Variants in FAM120B observed in about 807,000 individuals in gnomAD.
FAM120B encodes family with sequence similarity 120 member B.
A neutral mutation model predicts 96.3 loss-of-function variants in FAM120B; 83 were observed. The observed-to-expected ratio is 0.86, with a 90% CI of 0.72 to 1.03. FAM120B has a LOEUF of 1.03. Ranked by LOEUF, FAM120B falls within the 50% of genes least tolerant of loss-of-function variation. The probability of loss-of-function intolerance (pLI) is 0.00; values close to 1 mark genes in which losing one functional copy is unlikely to be tolerated. For missense variants in FAM120B, 1,027 were observed against 1,121.2 expected (o/e 0.92, Z 1.20); for synonymous variants, 407 against 402.7 (o/e 1.01, Z -0.13).
chr6:170,290,718 C>T, upstream of FAM120B: 2 of 347,090 alleles, frequency 5.8e-6, no homozygotes, highest in South Asian at 3.3e-5. The surrounding 1 kb of genome is among the most constrained non-coding windows in gnomAD (Gnocchi z 4.7). Context: ...TCGGCGGCGG[C>T]GGTCGTTCCG....
At chr6:170,364,493 A>G (rs143567862) in intron 6 of FAM120B, among the ~76,000 whole-genome samples, 2,201 of 152,302 alleles carry the variant, frequency 0.014, 64 homozygotes, top group African/African-American at 0.051. Context: ...TCCAGCACCC[A>G]GCATCCTGCC....
chr6:170,365,842 A>G (rs1040159597), intron 6 of FAM120B, among the ~76,000 whole-genome samples: 1 of 151,998 alleles, frequency 6.6e-6, no homozygotes, highest in African/African-American at 2.4e-5. Context: ...TTTTGAGACT[A>G]TCAGAATTGC....
chr6:170,393,841 G>A (rs1166983808), intron 8 of FAM120B, among the ~76,000 whole-genome samples: 1 of 152,142 alleles, frequency 6.6e-6, no homozygotes, highest in African/African-American at 2.4e-5. Context: ...GTAGGGACGT[G>A]GTAGGGCCCT....
At chr6:170,349,530 T>C (rs1003374385) in intron 5 of FAM120B, among the ~76,000 whole-genome samples, 1 of 152,236 alleles carries the variant, frequency 6.6e-6, no homozygotes, top group Non-Finnish European at 1.5e-5. Flanking sequence ...AGATGTGATA[T>C]GGTTAAGTAG....
rs747774596 is a variant in FAM120B, at chr6:170,330,557, G to A, written c.2017+7G>A. 2 of 1,607,444 alleles carry A rather than the reference G, an allele frequency of 1.2e-6. No individual in the cohort carries two copies. The highest frequency in any genetic ancestry group is 1.1e-5 in the South Asian group (1 of 90,908). On this transcript the variant is annotated splice_region_variant and intron_variant, in intron 4 of 10. Transcript: ENST00000476287. ...CTGCAGATGACCATTCCAGGTACAG[G>A]CAGCCTTTCTTTAAATGAACCACAG...
chr6:170,356,308 A>T (rs998533857), intron 5 of FAM120B, among the ~76,000 whole-genome samples: 3 of 152,230 alleles, frequency 2.0e-5, no homozygotes, highest in African/African-American at 7.2e-5. Flanking sequence ...ACTTTTAAAA[A>T]CTAGAAAACA....
At chr6:170,290,911 G>A, upstream of FAM120B, 1 of 695,924 alleles carries the variant, frequency 1.4e-6, no homozygotes, top group South Asian at 1.5e-5. The surrounding 1 kb of genome is among the most constrained non-coding windows in gnomAD (Gnocchi z 4.7). Context: ...GGTCTCCGCG[G>A]GTGCGCGCAG....
chr6:170,339,232 C>T (rs934849735), intron 4 of FAM120B, among the ~76,000 whole-genome samples: 1 of 152,052 alleles, frequency 6.6e-6, no homozygotes, highest in Non-Finnish European at 1.5e-5. Context: ...TCAGCATTTG[C>T]TTGTCTGTAA....
At chr6:170,335,017 G>T (rs909927413) in intron 4 of FAM120B, among the ~76,000 whole-genome samples, 4 of 149,950 alleles carry the variant, frequency 2.7e-5, no homozygotes, top group African/African-American at 7.4e-5. Context: ...TTGCATGTGC[G>T]TAGTCAGGGT....
chr6:170,372,041 A>C (rs148393159), intron 6 of FAM120B, among the ~76,000 whole-genome samples: 1 of 152,200 alleles, frequency 6.6e-6, no homozygotes, highest in South Asian at 2.1e-4. Context: ...TTATTCAGTT[A>C]TTTTTAAAGA....
intron 6 of FAM120B, among the ~76,000 whole-genome samples, chr6:170,383,108 A>AG (rs949831227): frequency 2.7e-4 from 41 of 151,962 alleles, no homozygotes; most frequent in African/African-American, 8.9e-4. Context: ...AAAAGAAAAA[A>AG]AAAAAAAAAG....
intron 1 of FAM120B, among the ~76,000 whole-genome samples, chr6:170,312,439 C>T (rs1230003165): frequency 1.3e-5 from 2 of 152,140 alleles, no homozygotes; most frequent in Admixed American, 1.3e-4. Flanking sequence ...GTTTGATGAA[C>T]AAATTTATAA....
intron 6 of FAM120B, among the ~76,000 whole-genome samples, chr6:170,369,437 A>G (rs1481873479): frequency 2.0e-5 from 3 of 152,198 alleles, no homozygotes; most frequent in Admixed American, 1.3e-4. Flanking sequence ...GTCTCCTGCT[A>G]CAGATCTTGA....
In FAM120B at chr6:170,395,520, G is replaced by C; in HGVS notation, c.2633G>C (p.Arg878Thr). 6.2e-7 allele frequency: 1 copy of C among 1,600,516 alleles called. No homozygotes were observed. The highest frequency in any genetic ancestry group is 1.3e-5 in the African/African-American group (1 of 74,722). Residue 878 changes from arginine to threonine, a missense_variant, in exon 9 of 11, where the codon AGG becomes ACG. Transcript: ENST00000476287. ...GGAAGACAGGGCTCCAGCTACCACA[G>C]GACGGGCTCTGGGTATAGCCGTTCC... ...RWGRQGSSYHRTGSGYSRSSQ... is the reference protein window; with the variant it reads ...RWGRQGSSYHTTGSGYSRSSQ...
At position 170,318,931 on chromosome 6, in the gene FAM120B, C is replaced by T. The variant is rs1395632198; in HGVS notation, c.1541C>T (p.Pro514Leu). 1.2e-6 allele frequency: 2 copies of T among 1,614,152 alleles called. No individual in the cohort carries two copies. Among genetic ancestry groups the T allele is most frequent in the African/African-American group, 1.3e-5 (1 of 75,040 alleles). ...SKQEVPICTD[P>L]ISKQEDSMCT... ...CAGGAAGTTCCCATATGTACAGATC[C>T]TATATCCAAGCAAGAAGACTCCATG... Residue 514 changes from proline to leucine, a missense_variant, in exon 2 of 11, where the codon CCT becomes CTT. Physicochemically the swap from Pro to Leu is moderately conservative, Grantham distance 98. This residue lies in a region of FAM120B where 880 missense variants were observed against 980.9 expected (regional missense o/e 0.90). Coordinates refer to ENST00000476287, the MANE Select transcript of FAM120B (RefSeq NM_032448.3).
intron 5 of FAM120B, among the ~76,000 whole-genome samples, chr6:170,351,640 C>T (rs770958569): frequency 3.9e-5 from 6 of 152,016 alleles, no homozygotes; most frequent in Non-Finnish European, 7.4e-5. Context: ...AGTGCCAATA[C>T]TCAACATTCT....
upstream of FAM120B, chr6:170,295,320 C>T (rs1783970910): frequency 1.4e-6 from 1 of 693,780 alleles, no homozygotes. This position sits in a 1 kb window ranked among gnomAD's most constrained non-coding sequence, Gnocchi z 7.8. Flanking sequence ...GATGTGTTCA[C>T]ACTCGGTTGC....
At chr6:170,338,398 G>GTTTGTTAT (rs1786583076) in intron 4 of FAM120B, among the ~76,000 whole-genome samples, 1 of 152,202 alleles carries the variant, frequency 6.6e-6, no homozygotes, top group African/African-American at 2.4e-5. Context: ...CTGAGAGACT[G>GTTTGTTAT]TTTGTTATGA....
intron 6 of FAM120B, among the ~76,000 whole-genome samples, chr6:170,373,633 A>G (rs1483778207): frequency 6.6e-6 from 1 of 152,216 alleles, no homozygotes; most frequent in Admixed American, 6.5e-5. Flanking sequence ...GTTACCGCAC[A>G]GTGTTTTTGG....
Sources: allele counts gnomAD v4.1 joint callset (sites outside exome capture counted in the v4.1 genomes callset), GRCh38; gene constraint gnomAD v4.1.1; regional missense constraint gnomAD v4.1.1; non-coding constraint Gnocchi (gnomAD v3.1); transcripts MANE v1.5; gene names NCBI Gene and HGNC (gene_info 2026-07-23, HGNC 2026-07-21).